RNF38: variants seen among roughly 807,000 people sequenced by gnomAD.
RNF38 encodes ring finger protein 38.
RNF38 carries 15 observed loss-of-function variants against 67.2 expected under a neutral mutation model. The ratio of observed to expected loss-of-function variants is 0.22; its 90% confidence interval spans 0.15 to 0.34. The LOEUF is 0.34. RNF38 is among the 10% of genes least tolerant of loss of function. The probability of loss-of-function intolerance (pLI) is 1.00; values close to 1 mark genes in which losing one functional copy is unlikely to be tolerated. For missense variants in RNF38, 524 were observed against 639.9 expected (o/e 0.82, Z 1.95); for synonymous variants, 220 against 218.8 (o/e 1.01, Z -0.05).
rs1161828096 is a variant in RNF38 at position 36,338,227 on chromosome 9, T to C, written c.*1525A>G. 1 of 152,216 alleles carries C rather than the reference T, an allele frequency of 6.6e-6. No homozygotes were observed. Among genetic ancestry groups the C allele is most frequent in the Non-Finnish European group, 1.5e-5 (1 of 68,038 alleles). 9.4% of individuals were successfully genotyped at this position (152,216 alleles called of 1,614,324 possible). On this transcript the variant is annotated 3_prime_UTR_variant, in exon 12 of 12. Coordinates refer to ENST00000259605, the MANE Select transcript of RNF38 (RefSeq NM_022781.5). ...GGAAAAATGACTTTAAAGTGAATTATGCTCAAAGAACTTACTAAAAAAAAC... is the reference window on the plus strand; with the variant it reads ...GGAAAAATGACTTTAAAGTGAATTACGCTCAAAGAACTTACTAAAAAAAAC...
At chr9:36,357,558 T>C (rs1834222050) in intron 5 of RNF38, among the ~76,000 whole-genome samples, 1 of 152,228 alleles carries the variant, frequency 6.6e-6, no homozygotes, top group South Asian at 2.1e-4. Context: ...CTAATTTTCT[T>C]AAATGGTTAC....
At chr9:36,392,721 C>A (rs909785219) in intron 1 of RNF38, among the ~76,000 whole-genome samples, 1 of 152,156 alleles carries the variant, frequency 6.6e-6, no homozygotes, top group African/African-American at 2.4e-5. Context: ...GCTATGACTG[C>A]AATACTATAC....
intron 2 of RNF38, among the ~76,000 whole-genome samples, chr9:36,408,096 C>G (rs1838226582): frequency 6.6e-6 from 1 of 152,044 alleles, no homozygotes; most frequent in Non-Finnish European, 1.5e-5. Context: ...ACACTGCCTC[C>G]TAAAAGGCAG....
At position 36,378,253 on chromosome 9, in the gene RNF38, C is replaced by T. The variant is rs1358823662; in HGVS notation, c.163-2126G>A. Among the ~76,000 whole-genome samples the T allele has an allele frequency of 4.0e-5, 6 of 150,796 alleles. No individual in the cohort carries two copies. The East Asian group carries it at 5.9e-4, about 15-fold the overall frequency. Reference sequence around the variant, plus strand: ...GTTCAGTGACGCCATCTTGGCTCACCGCAACCTCCGCCTCCTGGGTTCAAG... The same window carrying T: ...GTTCAGTGACGCCATCTTGGCTCACTGCAACCTCCGCCTCCTGGGTTCAAG... On this transcript the variant is annotated intron_variant, in intron 2 of 11. Transcript: ENST00000259605.
intron 9 of RNF38, among the ~76,000 whole-genome samples, chr9:36,346,468 G>A (rs925034658): frequency 1.3e-5 from 2 of 152,142 alleles, no homozygotes; most frequent in African/African-American, 4.8e-5. Context: ...TGGGACTACA[G>A]GAGTGAGCCA....
At chr9:36,415,627 G>A (rs1460987510) in intron 2 of RNF38, among the ~76,000 whole-genome samples, 2 of 152,118 alleles carry the variant, frequency 1.3e-5, no homozygotes. Context: ...ACTGGGGTCC[G>A]GGCTGGTACT....
At chr9:36,392,910 T>TA (rs1262017446) in intron 1 of RNF38, among the ~76,000 whole-genome samples, 3 of 151,962 alleles carry the variant, frequency 2.0e-5, no homozygotes. Flanking sequence ...AAATTAGGAG[T>TA]AAGAGTTCTG....
intron 7 of RNF38, 88 bp from the exon 8 acceptor site, chr9:36,352,936 A>C (rs1833811685): frequency 2.0e-6 from 2 of 984,246 alleles, no homozygotes; most frequent in Non-Finnish European, 3.1e-6. Context: ...AAAAGACTTA[A>C]ACAGTAAAGT....
intron 2 of RNF38, among the ~76,000 whole-genome samples, chr9:36,381,300 G>A (rs980121366): frequency 6.6e-6 from 1 of 152,106 alleles, no homozygotes; most frequent in Non-Finnish European, 1.5e-5. Flanking sequence ...CCAAATGACT[G>A]AACTGACTCT....
chr9:36,477,555 C>T (rs1347257497), intron 1 of RNF38, among the ~76,000 whole-genome samples: 2 of 151,164 alleles, frequency 1.3e-5, no homozygotes, highest in African/African-American at 4.9e-5. Flanking sequence ...GGTACTGTGG[C>T]TCACACCTGT....
chr9:36,345,512 C>A (rs1191229606), intron 9 of RNF38, among the ~76,000 whole-genome samples: 1 of 152,148 alleles, frequency 6.6e-6, no homozygotes, highest in Non-Finnish European at 1.5e-5. Flanking sequence ...CAGTTAACAC[C>A]CCCTAGCTGT....
At chr9:36,369,091 C>A (rs1409451458) in intron 4 of RNF38, among the ~76,000 whole-genome samples, 1 of 152,176 alleles carries the variant, frequency 6.6e-6, no homozygotes, top group Non-Finnish European at 1.5e-5. Flanking sequence ...ATGTACCCAA[C>A]TGTCTTGCTT....
chr9:36,482,680 T>G lies in RNF38; in HGVS notation n.241+4628A>C, dbSNP rs574256715. ...CAGTGGTATTTTCTAAATAGCTTAT[T>G]CTGTACATATTTCTCCAGCCTCATA... On this transcript the variant is annotated intron_variant and non_coding_transcript_variant, in intron 1 of 3. Transcript: ENST00000488058. Among the ~76,000 whole-genome samples the G allele has an allele frequency of 3.9e-5, 6 of 152,326 alleles. No individual in the cohort carries two copies. The South Asian group carries it at 1.2e-3, about 32-fold the overall frequency.
chr9:36,442,766 A>C (rs1420867068), intron 1 of RNF38, among the ~76,000 whole-genome samples: 2 of 152,242 alleles, frequency 1.3e-5, no homozygotes, highest in Non-Finnish European at 2.9e-5. Context: ...CAACAGAGAG[A>C]GGCTCAGTCT....
intron 3 of RNF38, among the ~76,000 whole-genome samples, chr9:36,374,911 C>T (rs1302225156): frequency 2.0e-5 from 3 of 152,206 alleles, no homozygotes; most frequent in Non-Finnish European, 4.4e-5. Context: ...AAGGTTACAG[C>T]TTCAACACAT....
intron 2 of RNF38, among the ~76,000 whole-genome samples, chr9:36,414,477 G>A (rs1178666736): frequency 6.6e-6 from 1 of 152,078 alleles, no homozygotes; most frequent in East Asian, 1.9e-4. Flanking sequence ...CTGAGGTTGG[G>A]AGTTCGAGAC....
chr9:36,386,209 A>G (rs1252369693), intron 2 of RNF38, among the ~76,000 whole-genome samples: 1 of 152,120 alleles, frequency 6.6e-6, no homozygotes, highest in Non-Finnish European at 1.5e-5. Context: ...TGACAGAGCT[A>G]TTTCTTTCTA....
chr9:36,382,861 A>G (rs977083565), intron 2 of RNF38, among the ~76,000 whole-genome samples: 3 of 152,218 alleles, frequency 2.0e-5, no homozygotes, highest in Admixed American at 2.0e-4. Context: ...ACTTGCCTTA[A>G]TTACCTTTAA....
chr9:36,447,449 C>T (rs959705535), intron 1 of RNF38, among the ~76,000 whole-genome samples: 4 of 152,030 alleles, frequency 2.6e-5, no homozygotes, highest in Non-Finnish European at 4.4e-5. Context: ...ATTCAGGAGA[C>T]GAATTTCTAA....
Sources: allele counts gnomAD v4.1 joint callset (sites outside exome capture counted in the v4.1 genomes callset), GRCh38; gene constraint gnomAD v4.1.1; transcripts MANE v1.5; gene names NCBI Gene and HGNC (gene_info 2026-07-23, HGNC 2026-07-21).